IL15: variants seen among roughly 807,000 people sequenced by gnomAD.
IL15 encodes the protein interleukin 15.
In IL15, 11 loss-of-function variants were observed where a neutral mutation model predicts 19.6. The ratio of observed to expected loss-of-function variants is 0.56; its 90% CI spans 0.35 to 0.93. The LOEUF (loss-of-function observed/expected upper bound fraction) is 0.93, where lower values mean the gene tolerates loss of function less well. IL15 is among the 40% of genes least tolerant of loss of function. The pLI, the probability that IL15 is intolerant of heterozygous loss-of-function variation, is 0.01. For missense variants in IL15, 197 were observed against 186.5 expected (o/e 1.06, Z -0.33); for synonymous variants, 58 against 59.6 (o/e 0.97, Z 0.12).
At chr4:141,654,507 C>A (rs1377577508) in intron 1 of IL15, among the ~76,000 whole-genome samples, 1 of 152,206 alleles carries the variant, frequency 6.6e-6, no homozygotes, top group Non-Finnish European at 1.5e-5. Context: ...CAGTTTCTTG[C>A]TGTATGAAAT....
chr4:141,707,884 G>A (rs967814187), intron 2 of IL15, among the ~76,000 whole-genome samples: 3 of 152,220 alleles, frequency 2.0e-5, no homozygotes, highest in African/African-American at 4.8e-5. Context: ...TGCCAGCAAG[G>A]TGGCTGTGTG....
chr4:141,725,374 A>G (rs111884284), intron 5 of IL15, among the ~76,000 whole-genome samples: 4 of 152,280 alleles, frequency 2.6e-5, no homozygotes, highest in African/African-American at 9.6e-5. Context: ...TATGACTGGT[A>G]TCTTTAGAAA....
chr4:141,696,634 T>C (rs570332530), intron 2 of IL15, among the ~76,000 whole-genome samples: 1 of 152,098 alleles, frequency 6.6e-6, no homozygotes, highest in East Asian at 1.9e-4. Context: ...GTGTATGGAA[T>C]TTTATTACTT....
intron 2 of IL15, among the ~76,000 whole-genome samples, chr4:141,683,952 G>C (rs185398392): frequency 1.6e-3 from 249 of 152,290 alleles, no homozygotes; most frequent in Non-Finnish European, 2.7e-3. Flanking sequence ...TAGTAGACAG[G>C]CTGAAATGTA....
intron 1 of IL15, among the ~76,000 whole-genome samples, chr4:141,640,668 C>T (rs1389566203): frequency 6.6e-6 from 1 of 152,062 alleles, no homozygotes; most frequent in Non-Finnish European, 1.5e-5. Flanking sequence ...TATTATTTGT[C>T]CACATTTCAC....
At chr4:141,671,171 T>C (rs957937069) in intron 2 of IL15, among the ~76,000 whole-genome samples, 1 of 152,176 alleles carries the variant, frequency 6.6e-6, no homozygotes, top group South Asian at 2.1e-4. Context: ...AAGAAGCTCA[T>C]AGACTAATGA....
chr4:141,662,932 C>T (rs1727840917), intron 2 of IL15, among the ~76,000 whole-genome samples: 1 of 151,728 alleles, frequency 6.6e-6, no homozygotes, highest in Non-Finnish European at 1.5e-5. Flanking sequence ...ATAAAAATTT[C>T]ACAAAAAAAC....
At chr4:141,678,223 G>T (rs1211982640) in intron 2 of IL15, among the ~76,000 whole-genome samples, 2 of 152,114 alleles carry the variant, frequency 1.3e-5, no homozygotes, top group Non-Finnish European at 2.9e-5. Context: ...TCTGTGATTT[G>T]CACTTGTGTT....
intron 2 of IL15, among the ~76,000 whole-genome samples, chr4:141,692,268 TAGGCCTCC>T (rs2152177762): frequency 6.6e-6 from 1 of 152,348 alleles, no homozygotes; most frequent in Admixed American, 6.5e-5. Flanking sequence ...TTTATTTTCC[TAGGCCTCC>T]AGGCCTGTAA....
chr4:141,639,418 A>C (rs190993710), intron 1 of IL15, among the ~76,000 whole-genome samples: 2 of 152,204 alleles, frequency 1.3e-5, no homozygotes, highest in Non-Finnish European at 2.9e-5. Flanking sequence ...TTTGAGTGTC[A>C]AATATGTGTT....
intron 2 of IL15, among the ~76,000 whole-genome samples, chr4:141,685,341 AG>A (rs757091687): frequency 2.6e-5 from 4 of 152,218 alleles, no homozygotes; most frequent in Non-Finnish European, 5.9e-5. Context: ...AAGGTTGAAA[AG>A]CTCATGATCT....
At chr4:141,656,933 T>C (rs976185051) in intron 2 of IL15, among the ~76,000 whole-genome samples, 4 of 152,196 alleles carry the variant, frequency 2.6e-5, no homozygotes, top group Non-Finnish European at 5.9e-5. Flanking sequence ...TCAAGTTCAG[T>C]CTCGATAACT....
At chr4:141,707,385 T>C (rs1729555200) in intron 2 of IL15, among the ~76,000 whole-genome samples, 2 of 152,182 alleles carry the variant, frequency 1.3e-5, no homozygotes, top group South Asian at 4.1e-4. Context: ...TTTAGGCATT[T>C]CATAAGTATC....
chr4:141,682,004 A>G (rs925849270), intron 2 of IL15, among the ~76,000 whole-genome samples: 1 of 152,164 alleles, frequency 6.6e-6, no homozygotes, highest in Non-Finnish European at 1.5e-5. Flanking sequence ...CTGAGAAGTG[A>G]TTTTTCTAAA....
intron 2 of IL15, among the ~76,000 whole-genome samples, chr4:141,706,328 A>T (rs1729513666): frequency 6.6e-6 from 1 of 151,990 alleles, no homozygotes; most frequent in South Asian, 2.1e-4. Context: ...AATACTCCAG[A>T]TGTTTTCTCT....
At chr4:141,686,557 G>C (rs1728720171) in intron 2 of IL15, among the ~76,000 whole-genome samples, 1 of 152,130 alleles carries the variant, frequency 6.6e-6, no homozygotes, top group Non-Finnish European at 1.5e-5. Flanking sequence ...CTTGTCTGTG[G>C]AGTGTGGTAA....
At chr4:141,653,906 G>T (rs1727498085) in intron 1 of IL15, among the ~76,000 whole-genome samples, 1 of 152,156 alleles carries the variant, frequency 6.6e-6, no homozygotes, top group South Asian at 2.1e-4. Context: ...AAATAACTTT[G>T]ATTAACTCTG....
chr4:141,707,913 C>T (rs1041791527), intron 2 of IL15, among the ~76,000 whole-genome samples: 2 of 152,132 alleles, frequency 1.3e-5, no homozygotes, highest in Non-Finnish European at 2.9e-5. Context: ...TTCAGTGAGG[C>T]AGGGCAGCCA....
In IL15 at chr4:141,733,316, C is replaced by T. The variant is rs1730514550; in HGVS notation, c.*468C>T. 1 of 153,050 alleles carries T rather than the reference C, an allele frequency of 6.5e-6. No individual in the cohort carries two copies. Among genetic ancestry groups the T allele is most frequent in the Non-Finnish European group, 1.5e-5 (1 of 68,744 alleles). 9.5% of individuals were successfully genotyped at this position (153,050 alleles called of 1,614,324 possible). ...CTGACTACTGGCTCTCATTGACTTC[C>T]TTACTAAGCATAGCAAACAGAGGAA... On this transcript the variant is annotated 3_prime_UTR_variant, in exon 8 of 8. Coordinates refer to ENST00000320650, the MANE Select transcript of IL15 (RefSeq NM_000585.5).
Sources: allele counts gnomAD v4.1 joint callset (sites outside exome capture counted in the v4.1 genomes callset), GRCh38; gene constraint gnomAD v4.1.1; transcripts MANE v1.5; gene names NCBI Gene and HGNC (gene_info 2026-07-23, HGNC 2026-07-21).